The following DAPK2 variants were observed in gnomAD, a reference collection of about 807,000 sequenced individuals.
DAPK2 encodes the protein death associated protein kinase 2.
DAPK2 carries 35 observed loss-of-function variants against 44.1 expected under a neutral mutation model. The ratio of observed to expected loss-of-function variants is 0.79; its 90% confidence interval spans 0.61 to 1.05. DAPK2 has a LOEUF of 1.05. Among genes scored for constraint, DAPK2 ranks in the 50% least tolerant of loss-of-function variants. The pLI, the probability that DAPK2 is intolerant of heterozygous loss-of-function variation, is 0.00. For missense variants in DAPK2, 453 were observed against 483.2 expected, an observed-to-expected ratio of 0.94 and a Z score of 0.59; for synonymous variants, 174 against 182.6, an observed-to-expected ratio of 0.95 and a Z score of 0.38.
chr15:63,909,533 G>A (rs2078731501), intron 10 of DAPK2: 1 of 152,184 alleles, frequency 6.6e-6, no homozygotes, highest in African/African-American at 2.4e-5. Context: ...TGGGCGTGGT[G>A]GCTCATGCCT....
At chr15:63,913,946 C>T (rs1430691647) in intron 8 of DAPK2, among the ~76,000 whole-genome samples, 3 of 152,230 alleles carry the variant, frequency 2.0e-5, no homozygotes, top group African/African-American at 7.2e-5. Context: ...GACTGGAGGG[C>T]ACAGACTTTC....
At chr15:64,006,711 G>A (rs1397485349) in intron 1 of DAPK2, among the ~76,000 whole-genome samples, 4 of 152,172 alleles carry the variant, frequency 2.6e-5, no homozygotes, top group Non-Finnish European at 5.9e-5. Flanking sequence ...ATTCTCCCGG[G>A]CAGTGACAGA....
chr15:63,924,953 G>T, intron 7 of DAPK2, 92 bp from the exon 9 acceptor site: 1 of 1,392,360 alleles, frequency 7.2e-7, no homozygotes, highest in East Asian at 2.4e-5. Context: ...CCTATATTTT[G>T]GCATTATTTG....
chr15:63,926,299 G>A (rs1816194309), intron 6 of DAPK2: 3 of 499,714 alleles, frequency 6.0e-6, no homozygotes, highest in Non-Finnish European at 1.1e-5. Context: ...CTAAGCACCC[G>A]ACAGAGAGAA....
intron 3 of DAPK2, among the ~76,000 whole-genome samples, chr15:63,968,922 C>G (rs1414877528): frequency 2.0e-5 from 3 of 152,200 alleles, no homozygotes; most frequent in Non-Finnish European, 4.4e-5. Flanking sequence ...CTCCTGGAGC[C>G]AGCAAAGACA....
intron 3 of DAPK2, among the ~76,000 whole-genome samples, chr15:63,948,477 A>G (rs765911511): frequency 6.6e-6 from 1 of 151,818 alleles, no homozygotes; most frequent in Non-Finnish European, 1.5e-5. Flanking sequence ...CTTTTAAACA[A>G]CCTGATCTTG....
chr15:63,950,252 A>G lies in DAPK2; in HGVS notation c.454-10891T>C, dbSNP rs150667170. ...TTTTTTTGAGACATAGTCTCACTCT[A>G]TCAACCAAGCTGGAGTGTGGTGGTG... On this transcript the variant is annotated intron_variant, in intron 3 of 10. Coordinates refer to ENST00000261891, the Ensembl canonical transcript of DAPK2. 3.0e-3 allele frequency among the ~76,000 whole-genome samples: 460 copies of G among 152,324 alleles called. 5 individuals carry two copies. The highest frequency in any genetic ancestry group is 5.7e-3 in the Non-Finnish European group (387 of 68,032).
intron 1 of DAPK2, among the ~76,000 whole-genome samples, chr15:64,026,358 C>A (rs1259385398): frequency 6.6e-6 from 1 of 152,164 alleles, no homozygotes; most frequent in African/African-American, 2.4e-5. Context: ...ATCCTCCCAC[C>A]TCAGCCCCCC....
chr15:63,969,726 C>T (rs79048102), intron 3 of DAPK2, among the ~76,000 whole-genome samples: 11,930 of 144,194 alleles, frequency 0.083, 652 homozygotes, highest in African/African-American at 0.16. Context: ...GGTGACAGAG[C>T]GAGACTATCT....
chr15:64,045,173 G>C (rs1474779393), upstream of DAPK2, among the ~76,000 whole-genome samples: 1 of 152,180 alleles, frequency 6.6e-6, no homozygotes, highest in African/African-American at 2.4e-5. Flanking sequence ...ATTCCTGCCA[G>C]CCAGGAACTT....
chr15:63,934,013 T>A (rs1363572983), intron 4 of DAPK2, among the ~76,000 whole-genome samples: 1 of 152,182 alleles, frequency 6.6e-6, no homozygotes, highest in Non-Finnish European at 1.5e-5. Context: ...TTTGTCTTTT[T>A]TTCTGTGCTT....
chr15:64,018,210 G>A lies in DAPK2; in HGVS notation c.92+21960C>T, dbSNP rs181744620. 3.2e-3 allele frequency among the ~76,000 whole-genome samples: 490 copies of A among 152,170 alleles called. 2 individuals carry two copies. The highest frequency in any genetic ancestry group is 0.011 in the African/African-American group (466 of 41,518). ...CAGGCCCCTGGTTCCCTGGTGAGGCGGGCAGACAAGCATTCTCAAATGACG... is the reference window on the plus strand; with the variant it reads ...CAGGCCCCTGGTTCCCTGGTGAGGCAGGCAGACAAGCATTCTCAAATGACG... On this transcript the variant is annotated intron_variant, in intron 1 of 10. Transcript: ENST00000261891.
At chr15:64,045,908 C>A (rs1393880600) in intron 1 of DAPK2, among the ~76,000 whole-genome samples, 2 of 152,212 alleles carry the variant, frequency 1.3e-5, no homozygotes, top group Non-Finnish European at 2.9e-5. Flanking sequence ...TTGTGCCAGG[C>A]GGGAGCAAGA....
intron 3 of DAPK2, among the ~76,000 whole-genome samples, chr15:63,958,785 C>T (rs912008296): frequency 4.0e-4 from 61 of 152,266 alleles, no homozygotes; most frequent in African/African-American, 1.4e-3. Flanking sequence ...AGTCAGGTAG[C>T]ATGATGCCTC....
chr15:63,930,406 C>T lies in DAPK2; in HGVS notation c.632+1G>A. On this transcript the variant is annotated splice_donor_variant, in intron 5 of 10. Transcript: ENST00000261891. LOFTEE classifies it high-confidence loss of function. ...TCACCTGAGTGGCCTATCCAACTTA[C>T]CACATGTCAGCCTCCAGACCCAGGG... 1.2e-6 allele frequency: 2 copies of T among 1,614,188 alleles called. No homozygotes were observed.
chr15:64,028,402 G>A (rs1167930521), intron 1 of DAPK2, among the ~76,000 whole-genome samples: 3 of 152,128 alleles, frequency 2.0e-5, no homozygotes, highest in Non-Finnish European at 4.4e-5. Context: ...AAATGTTAGT[G>A]TCATGAAAGT....
At chr15:64,033,781 G>A (rs1026541270) in intron 1 of DAPK2, among the ~76,000 whole-genome samples, 2 of 151,986 alleles carry the variant, frequency 1.3e-5, no homozygotes, top group Non-Finnish European at 2.9e-5. Flanking sequence ...GGTGGCGGGC[G>A]CTTATAGTCC....
At chr15:64,041,002 T>G (rs2080341082), upstream of DAPK2, among the ~76,000 whole-genome samples, 1 of 151,964 alleles carries the variant, frequency 6.6e-6, no homozygotes, top group African/African-American at 2.4e-5. Flanking sequence ...GAGACTTAGC[T>G]TCTTCATCTG....
chr15:64,002,954 GT>G (rs2079125902), intron 1 of DAPK2, among the ~76,000 whole-genome samples: 1 of 128,518 alleles, frequency 7.8e-6, no homozygotes, highest in African/African-American at 3.0e-5. Context: ...GTGTGTGTGT[GT>G]GTGTGTGTGT....
Sources: gnomAD v4.1 joint callset for allele counts (sites outside exome capture counted in the v4.1 genomes callset) on GRCh38, gnomAD v4.1.1 for gene constraint, MANE v1.5 for transcripts, NCBI Gene and HGNC (gene_info 2026-07-23, HGNC 2026-07-21) for gene names.